The following HERC3 variants were observed in gnomAD, a reference collection of about 807,000 sequenced individuals.
The protein encoded by HERC3 is HECT and RLD domain containing E3 ubiquitin protein ligase 3, also known as probable E3 ubiquitin-protein ligase HERC3.
In HERC3, 58 loss-of-function variants were observed where a neutral mutation model predicts 129.9. That is an observed-to-expected ratio of 0.45 (90% CI 0.36 to 0.56). HERC3 has a LOEUF of 0.56. Among genes scored for constraint, HERC3 ranks in the 20% least tolerant of loss-of-function variants. The probability of loss-of-function intolerance (pLI) is 0.00; values close to 1 mark genes in which losing one functional copy is unlikely to be tolerated. For synonymous variants in HERC3, 430 were observed against 451.0 expected (o/e 0.95, Z 0.59); for missense variants, 835 against 1,244.2 (o/e 0.67, Z 4.95).
chr4:88,592,261 C>CGCCG (rs1489834709), upstream of HERC3, among the ~76,000 whole-genome samples: 1 of 152,220 alleles, frequency 6.6e-6, no homozygotes, highest in Non-Finnish European at 1.5e-5. Context: ...GCTGTCCCCG[C>CGCCG]GCCGGGCCCT....
rs755712520 is a variant in HERC3, at chr4:88,670,158, A to T, written c.1817A>T (p.His606Leu). Residue 606 changes from histidine to leucine, a missense_variant, in exon 16 of 26, where the codon CAT (histidine) becomes CTT (leucine). By Grantham distance (99) the His-to-Leu change is moderately conservative. Transcript: ENST00000402738. ...KLYKVNLKVK[H>L]VEYDTFYIPE... is the part of the protein sequence containing the mutation. The stretch of plus-strand genomic sequence containing the variant: ...CATTAGGTAAATCTTAAAGTGAAGC[A>T]TGTGGAATATGATACATTTTACATT... The T allele has an allele frequency of 1.9e-6, 3 of 1,612,774 alleles. No individual in the cohort carries two copies. Among genetic ancestry groups the T allele is most frequent in the Admixed American group, 3.3e-5 (2 of 59,976 alleles).
chr4:88,530,772 C>T, the HERC3 span, among the ~76,000 whole-genome samples: 14 of 152,192 alleles, frequency 9.2e-5, no homozygotes, highest in East Asian at 1.9e-4. Context: ...AAACTGATCA[C>T]GAAAATGGCC....
intron 23 of HERC3, chr4:88,697,541 T>C (rs1734747286): frequency 1.2e-6 from 2 of 1,614,010 alleles, no homozygotes; most frequent in Non-Finnish European, 8.5e-7. Context: ...TTAGGCAGGC[T>C]CTCGATAAAG....
chr4:88,603,571 G>A (rs930219237), intron 2 of HERC3, among the ~76,000 whole-genome samples: 2 of 152,134 alleles, frequency 1.3e-5, no homozygotes, highest in African/African-American at 4.8e-5. Flanking sequence ...GCATGCTTGG[G>A]ATTTCCCCCG....
chr4:88,618,388 T>C (rs1431050038), intron 3 of HERC3, among the ~76,000 whole-genome samples: 1 of 152,236 alleles, frequency 6.6e-6, no homozygotes, highest in Non-Finnish European at 1.5e-5. Flanking sequence ...ATAGTCATTC[T>C]GGCTATTAGA....
chr4:88,567,262 T>G, the HERC3 span, among the ~76,000 whole-genome samples: 2 of 152,194 alleles, frequency 1.3e-5, no homozygotes, highest in African/African-American at 2.4e-5. Context: ...TTAAATGCCT[T>G]GAGGTAGTCT....
At chr4:88,666,645 C>T (rs1731076276) in intron 12 of HERC3, among the ~76,000 whole-genome samples, 2 of 152,086 alleles carry the variant, frequency 1.3e-5, no homozygotes, top group African/African-American at 4.8e-5. Flanking sequence ...GCCTGCTTTG[C>T]AAATAGATAG....
intron 1 of HERC3, among the ~76,000 whole-genome samples, chr4:88,595,142 A>G (rs1394155298): frequency 1.3e-5 from 2 of 151,126 alleles, no homozygotes; most frequent in Admixed American, 1.3e-4. Context: ...ATGAAAGGAG[A>G]CAGTCTTCAT....
chr4:88,685,844 G>T (rs1331244715), intron 21 of HERC3, among the ~76,000 whole-genome samples: 1 of 152,058 alleles, frequency 6.6e-6, no homozygotes, highest in Non-Finnish European at 1.5e-5. Flanking sequence ...TATTTTATCT[G>T]TGTACTAATA....
chr4:88,557,182 C>T, the HERC3 span, among the ~76,000 whole-genome samples: 2 of 152,150 alleles, frequency 1.3e-5, no homozygotes, highest in African/African-American at 4.8e-5. Context: ...AACCATAGCG[C>T]CTGATTATAC....
chr4:88,535,978 C>T, the HERC3 span, among the ~76,000 whole-genome samples: 31 of 152,326 alleles, frequency 2.0e-4, no homozygotes, highest in African/African-American at 6.5e-4. Context: ...ACAATAAACA[C>T]AAATCATCTC....
intron 23 of HERC3, chr4:88,697,189 A>G (rs1734684954): frequency 6.7e-7 from 1 of 1,486,308 alleles, no homozygotes; most frequent in Non-Finnish European, 8.9e-7. Context: ...CTTTCTCTTC[A>G]TCCATCTCTG....
At chr4:88,539,081 G>A in the HERC3 span, among the ~76,000 whole-genome samples, 5 of 152,174 alleles carry the variant, frequency 3.3e-5, no homozygotes, top group African/African-American at 1.2e-4. Context: ...GGCAGTGGGT[G>A]CAACACACAG....
intron 3 of HERC3, among the ~76,000 whole-genome samples, chr4:88,625,344 A>T (rs1240262240): frequency 6.6e-6 from 1 of 152,054 alleles, no homozygotes; most frequent in East Asian, 1.9e-4. Context: ...GTCTCTCTCT[A>T]TATTTTAGGT....
chr4:88,641,547 T>C (rs975617332), intron 3 of HERC3, among the ~76,000 whole-genome samples: 1 of 152,132 alleles, frequency 6.6e-6, no homozygotes, highest in African/African-American at 2.4e-5. Context: ...AATAAAATGA[T>C]AAACCTTTAG....
the HERC3 span, among the ~76,000 whole-genome samples, chr4:88,555,229 G>A: frequency 6.6e-6 from 1 of 150,560 alleles, no homozygotes; most frequent in African/African-American, 2.5e-5. Flanking sequence ...GTTGCAGTGA[G>A]CTGAGATCGT....
At chr4:88,571,193 C>CA in the HERC3 span, among the ~76,000 whole-genome samples, 1 of 152,216 alleles carries the variant, frequency 6.6e-6, no homozygotes, top group African/African-American at 2.4e-5. Context: ...CTCAGTCTCT[C>CA]AAGTGGCTGA....
intron 23 of HERC3, among the ~76,000 whole-genome samples, chr4:88,691,496 G>A (rs1014587916): frequency 2.0e-5 from 3 of 152,340 alleles, no homozygotes; most frequent in South Asian, 4.1e-4. Flanking sequence ...CCACGTTGCA[G>A]ACTGCTGACT....
At chr4:88,683,639 A>G (rs970454659) in intron 21 of HERC3, among the ~76,000 whole-genome samples, 1 of 152,240 alleles carries the variant, frequency 6.6e-6, no homozygotes, top group Non-Finnish European at 1.5e-5. Context: ...ACTGGAGCTC[A>G]CTAAAGAAGA....
Sources: gnomAD v4.1 joint callset for allele counts (sites outside exome capture counted in the v4.1 genomes callset) on GRCh38, gnomAD v4.1.1 for gene constraint, MANE v1.5 for transcripts, NCBI Gene and HGNC (gene_info 2026-07-23, HGNC 2026-07-21) for gene names.